SLTM: variants seen among roughly 807,000 people sequenced by gnomAD.
The protein encoded by SLTM is SAFB like transcription modulator.
A neutral mutation model predicts 134.6 loss-of-function variants in SLTM; 43 were observed. That is an observed-to-expected ratio of 0.32 (90% CI 0.25 to 0.41). The LOEUF (loss-of-function observed/expected upper bound fraction) is 0.41, where lower values mean the gene tolerates loss of function less well. Among genes scored for constraint, SLTM ranks in the 10% least tolerant of loss-of-function variants. The pLI, the probability that SLTM is intolerant of heterozygous loss-of-function variation, is 1.00. For missense variants in SLTM, 1,055 were observed against 1,288.8 expected (o/e 0.82, Z 2.78); for synonymous variants, 424 against 432.3 (o/e 0.98, Z 0.24).
At chr15:58,897,815 G>A (rs2035202756) in intron 8 of SLTM, among the ~76,000 whole-genome samples, 1 of 152,058 alleles carries the variant, frequency 6.6e-6, no homozygotes, top group African/African-American at 2.4e-5. Flanking sequence ...ACAAGATTAA[G>A]ATCAGAGGTC....
At chr15:58,918,595 A>G (rs1015430051) in intron 2 of SLTM, among the ~76,000 whole-genome samples, 31 of 152,348 alleles carry the variant, frequency 2.0e-4, no homozygotes, top group African/African-American at 7.5e-4. Context: ...CAAACAAGAA[A>G]TGAAGTGTGG....
At chr15:58,893,209 T>C (rs2034802816) in intron 13 of SLTM, 70 bp downstream of exon 13, 8 of 1,466,324 alleles carry the variant, frequency 5.5e-6, no homozygotes, top group South Asian at 1.2e-5. Context: ...AAGATGGTTA[T>C]GGAAAAACAG....
intron 2 of SLTM, chr15:58,932,072 A>G: frequency 3.8e-6 from 1 of 263,358 alleles, no homozygotes; most frequent in Non-Finnish European, 7.5e-6. Context: ...TATTTTATTC[A>G]GGTCTTCACA....
At chr15:58,924,308 G>A (rs1177002621) in intron 2 of SLTM, among the ~76,000 whole-genome samples, 1 of 152,138 alleles carries the variant, frequency 6.6e-6, no homozygotes, top group African/African-American at 2.4e-5. Flanking sequence ...AGGGCCTAAA[G>A]TAAAATGGCA....
At position 58,913,640 on chromosome 15, in the gene SLTM, C is replaced by G; in HGVS notation, c.372G>C (p.Lys124Asn). Reference protein sequence around the residue: ...AHEQDGNDELKDSEEFGENEE... With the variant: ...AHEQDGNDELNDSEEFGENEE... ...CATTTTCACCAAATTCTTCAGAGTC[C>G]TTTAGTTCATCATTTCCATCTTGCT... Residue 124 changes from lysine to asparagine, a missense_variant, in exon 4 of 21, where the codon AAG (lysine) becomes AAC (asparagine). Physicochemically the swap from Lys to Asn is moderately conservative, Grantham distance 94. Coordinates refer to ENST00000380516, the MANE Select transcript of SLTM (RefSeq NM_024755.4). 1 of 1,613,440 alleles carries G rather than the reference C, an allele frequency of 6.2e-7. No individual in the cohort carries two copies. The highest frequency in any genetic ancestry group is 2.2e-5 in the East Asian group (1 of 44,806).
intron 2 of SLTM, among the ~76,000 whole-genome samples, chr15:58,931,638 C>T (rs140745986): frequency 1.6e-3 from 244 of 152,228 alleles, no homozygotes; most frequent in African/African-American, 5.5e-3. Flanking sequence ...GTTTCATTTA[C>T]CAAGAAGCTT....
At chr15:58,932,223 T>C in intron 2 of SLTM, 133 bp downstream of exon 2, 2 of 685,782 alleles carry the variant, frequency 2.9e-6, no homozygotes, top group East Asian at 2.5e-5. Flanking sequence ...TTTTCTTCCT[T>C]GACCCAAGAA....
intron 15 of SLTM, 178 bp downstream of exon 15, chr15:58,890,103 T>C: frequency 3.0e-6 from 2 of 659,248 alleles, no homozygotes; most frequent in South Asian, 4.1e-5. Context: ...ACAAAGTCAC[T>C]ACTAATTCTA....
At chr15:58,917,369 G>A (rs1454067464) in intron 2 of SLTM, among the ~76,000 whole-genome samples, 10 of 152,106 alleles carry the variant, frequency 6.6e-5, no homozygotes, top group African/African-American at 2.4e-4. Context: ...CTAAGTACAA[G>A]ATCTGTACCT....
At chr15:58,888,719 T>C (rs2034423960) in intron 16 of SLTM, 164 bp from the exon 17 acceptor site, 1 of 526,568 alleles carries the variant, frequency 1.9e-6, no homozygotes, top group African/African-American at 2.0e-5. Flanking sequence ...ACTTAATTGT[T>C]GAATTACATA....
intron 9 of SLTM, among the ~76,000 whole-genome samples, chr15:58,896,518 G>A (rs747921152): frequency 9.2e-5 from 14 of 151,856 alleles, no homozygotes; most frequent in Non-Finnish European, 2.1e-4. Context: ...CCCACATCAC[G>A]CTGCTACACC....
Position 58,899,594 on chromosome 15 carries a change from G to A in SLTM, c.933C>T (p.Cys311=), listed in dbSNP as rs750277422. ...CCTTCTCGACAGGGTCACCCTTCAC[G>A]CAGTCTTCCTTCTTACCATCTTTAT... is the stretch of plus-strand genomic sequence containing the variant. The part of the protein sequence containing the change: ...ANHKDGKKED[C]VKGDPVEKEA... The change falls in exon 7 of 21, where the codon TGC becomes TGT. Residue 311 remains cysteine, a synonymous_variant. Transcript: ENST00000380516. This position sits in a 1 kb window ranked among gnomAD's most constrained non-coding sequence, Gnocchi z 5.0. The A allele has an allele frequency of 1.9e-5, 31 of 1,613,954 alleles. No homozygotes were observed. The highest frequency in any genetic ancestry group is 4.0e-5 in the African/African-American group (3 of 74,894).
intron 20 of SLTM, among the ~76,000 whole-genome samples, chr15:58,881,611 G>A (rs1217756262): frequency 6.6e-6 from 1 of 152,076 alleles, no homozygotes; most frequent in Admixed American, 6.6e-5. Flanking sequence ...GCTCAATCCT[G>A]TGACCTGGAG....
chr15:58,887,575 A>C (rs1367499563), intron 17 of SLTM, 35 bp from the exon 18 acceptor site: 28 of 1,569,274 alleles, frequency 1.8e-5, no homozygotes, highest in Non-Finnish European at 2.3e-5. Flanking sequence ...AGGTCCAAGA[A>C]GTGCTTACTT....
At chr15:58,913,468 T>C (rs777959908) in intron 4 of SLTM, 31 bp downstream of exon 4, 30 of 1,520,732 alleles carry the variant, frequency 2.0e-5, no homozygotes, top group Admixed American at 9.2e-5. Flanking sequence ...AATTTATCTG[T>C]GTCATGTTTT....
chr15:58,928,552 G>C (rs1385506776), intron 2 of SLTM, among the ~76,000 whole-genome samples: 1 of 151,690 alleles, frequency 6.6e-6, no homozygotes, highest in Non-Finnish European at 1.5e-5. Context: ...GCTTGTAATA[G>C]CTGCATTTAA....
At chr15:58,881,018 C>T (rs771372883) in intron 20 of SLTM, among the ~76,000 whole-genome samples, 4 of 152,050 alleles carry the variant, frequency 2.6e-5, no homozygotes, top group Non-Finnish European at 4.4e-5. Flanking sequence ...CCCCCTCCCC[C>T]GACAAAAAAC....
intron 2 of SLTM, among the ~76,000 whole-genome samples, chr15:58,926,161 A>C (rs572977000): frequency 5.9e-5 from 9 of 152,364 alleles, no homozygotes; most frequent in African/African-American, 1.9e-4. Flanking sequence ...ATTTTTTAAA[A>C]TTCAAATGAC....
intron 9 of SLTM, among the ~76,000 whole-genome samples, chr15:58,895,888 T>C (rs2035041923): frequency 6.6e-6 from 1 of 152,188 alleles, no homozygotes; most frequent in African/African-American, 2.4e-5. Context: ...AGGACAGGTT[T>C]TGGTAATATT....
Sources: gnomAD v4.1 joint callset for allele counts (sites outside exome capture counted in the v4.1 genomes callset) on GRCh38, gnomAD v4.1.1 for gene constraint, Gnocchi (gnomAD v3.1) non-coding constraint, MANE v1.5 for transcripts, NCBI Gene and HGNC (gene_info 2026-07-23, HGNC 2026-07-21) for gene names.